CDK13: variants seen among roughly 807,000 people sequenced by gnomAD.
CDK13 encodes cyclin dependent kinase 13, also known as cyclin-dependent kinase 13.
Under a neutral mutation model 137.6 loss-of-function variants are expected in CDK13, and 40 were observed. The ratio of observed to expected loss-of-function variants is 0.29; its 90% CI spans 0.23 to 0.38. CDK13 has a LOEUF of 0.38. CDK13 is among the 10% of genes least tolerant of loss of function. The pLI is 1.00. For synonymous variants in CDK13, 869 were observed against 760.1 expected (o/e 1.14, Z -2.36); for missense variants, 1,704 against 1,951.8 (o/e 0.87, Z 2.39).
intron 5 of CDK13, among the ~76,000 whole-genome samples, chr7:40,003,091 A>C (rs893027610): frequency 2.6e-5 from 4 of 151,632 alleles, no homozygotes; most frequent in African/African-American, 9.7e-5. Context: ...AAACGAAAAG[A>C]AAAAGATTAA....
At chr7:40,063,268 T>C (rs1786195591) in intron 9 of CDK13, among the ~76,000 whole-genome samples, 168 bp downstream of exon 9, 2 of 152,140 alleles carry the variant, frequency 1.3e-5, no homozygotes. Context: ...TTGATACTTG[T>C]TCCAGTGAAA....
At chr7:39,970,058 G>A (rs575515878) in intron 1 of CDK13, among the ~76,000 whole-genome samples, 154 of 145,770 alleles carry the variant, frequency 1.1e-3, no homozygotes, top group Middle Eastern at 3.7e-3. Context: ...TCACTCTGTC[G>A]CCCAGGCATG....
Position 40,022,708 on chromosome 7 carries a change from A to G in CDK13, c.2353+20677A>G, listed in dbSNP as rs370049733. 3.6e-4 allele frequency among the ~76,000 whole-genome samples: 54 copies of G among 151,528 alleles called. No individual in the cohort carries two copies. The South Asian group carries it at 0.011, about 31-fold the overall frequency. ...AACCAGGGTCAAAGCAGAGTAGAGG[A>G]ATGTCCTGATCTACCTCCATCGATA... On this transcript the variant is annotated intron_variant, in intron 5 of 13. Transcript: ENST00000181839.
intron 7 of CDK13, chr7:40,061,137 C>G (rs1171273660): frequency 6.6e-6 from 1 of 151,300 alleles, no homozygotes; most frequent in Non-Finnish European, 1.5e-5. Context: ...TTACTAAGTT[C>G]AGTTTAACTA....
At chr7:40,050,477 C>T (rs887538454) in intron 7 of CDK13, among the ~76,000 whole-genome samples, 47 of 152,182 alleles carry the variant, frequency 3.1e-4, no homozygotes, top group Admixed American at 2.4e-3. Context: ...CTGCAACCTC[C>T]GCCTCCCGGG....
At chr7:40,016,248 T>A (rs1375591406) in intron 5 of CDK13, among the ~76,000 whole-genome samples, 1 of 152,188 alleles carries the variant, frequency 6.6e-6, no homozygotes, top group Admixed American at 6.5e-5. Flanking sequence ...TGGGGGATTG[T>A]TTTACTTTTG....
At chr7:40,081,804 G>C (rs1437172714) in intron 11 of CDK13, among the ~76,000 whole-genome samples, 1 of 152,122 alleles carries the variant, frequency 6.6e-6, no homozygotes, top group African/African-American at 2.4e-5. Context: ...TAGAGACAGG[G>C]TTTCTCCATG....
rs563011349 is a variant in CDK13 at position 39,980,113 on chromosome 7, G to T, written c.1212-7486G>T. Among the ~76,000 whole-genome samples the T allele has an allele frequency of 2.6e-5, 4 of 152,292 alleles. No individual in the cohort carries two copies. In the East Asian group the frequency reaches 5.8e-4, roughly 22 times the overall value. ...TTGTGGAGTTTTCTGTTACAACAAC[G>T]ATCAGACACATTCAGAGGGTATGGA... On this transcript the variant is annotated intron_variant, in intron 1 of 13. Transcript: ENST00000181839.
chr7:40,078,190 G>A (rs569158896), intron 10 of CDK13, 69 bp downstream of exon 10: 3 of 779,860 alleles, frequency 3.8e-6, no homozygotes, highest in Admixed American at 2.6e-5. Flanking sequence ...AATTATAAAT[G>A]TTAGTCTATT....
intron 13 of CDK13, 86 bp downstream of exon 13, chr7:40,093,323 A>T: frequency 9.0e-7 from 1 of 1,106,208 alleles, no homozygotes; most frequent in Non-Finnish European, 1.3e-6. Flanking sequence ...TGTATAGTTC[A>T]GTGACATTGC....
chr7:39,966,700 A>G (rs1317683034), intron 1 of CDK13, among the ~76,000 whole-genome samples: 1 of 151,406 alleles, frequency 6.6e-6, no homozygotes, highest in Non-Finnish European at 1.5e-5. Context: ...TGATTTTTAG[A>G]TTTTTCAGTT....
Position 40,092,960 on chromosome 7 carries a change from A to C in CDK13, c.3411A>C (p.Ala1137=). The C allele has an allele frequency of 1.9e-6, 3 of 1,614,186 alleles. No homozygotes were observed. Among genetic ancestry groups the C allele is most frequent in the Non-Finnish European group, 2.5e-6 (3 of 1,180,034 alleles). The change falls in exon 13 of 14, where the codon GCA becomes GCC. Residue 1137 remains alanine (A), a synonymous_variant. Transcript: ENST00000181839. The part of the protein sequence containing the change: ...NKINLPAGIL[A]TGEKQTDPST... ...TAAACCTTCCTGCTGGAATTTTGGCAACAGGTGAAAAACAGACAGATCCAT... is the reference window on the plus strand; with the variant it reads ...TAAACCTTCCTGCTGGAATTTTGGCCACAGGTGAAAAACAGACAGATCCAT...
intron 4 of CDK13, 28 bp downstream of exon 4, chr7:39,999,528 T>C (rs1488370326): frequency 7.0e-6 from 11 of 1,577,456 alleles, no homozygotes; most frequent in Non-Finnish European, 9.5e-6. Flanking sequence ...TGGGGATCTT[T>C]GGGCCTACGG....
rs531694638 is a variant in CDK13, at chr7:40,076,056, T to TA, written c.2781-1948dup. 1.8e-3 allele frequency among the ~76,000 whole-genome samples: 278 copies of TA among 152,266 alleles called. 12 individuals carry two copies. In the South Asian group the frequency reaches 0.054, roughly 30 times the overall value. ...TCTATGGTTTACTTATCCTTGGAATTATAACCAAAATTCTTCACTCTTTCC... is the reference window on the plus strand; with the variant it reads ...TCTATGGTTTACTTATCCTTGGAATTAATAACCAAAATTCTTCACTCTTTCC... On this transcript the variant is annotated intron_variant, in intron 9 of 13. Coordinates refer to ENST00000181839, the MANE Select transcript of CDK13 (RefSeq NM_003718.5).
intron 5 of CDK13, among the ~76,000 whole-genome samples, chr7:40,003,194 A>ACTCTCT (rs1368242412): frequency 4.9e-5 from 5 of 101,184 alleles, no homozygotes; most frequent in African/African-American, 1.9e-4. Context: ...ACACACACAC[A>ACTCTCT]CACACACACA....
intron 7 of CDK13, among the ~76,000 whole-genome samples, chr7:40,049,863 C>A (rs1584038862): frequency 6.6e-6 from 1 of 152,180 alleles, no homozygotes; most frequent in African/African-American, 2.4e-5. Context: ...CCTTATTCCA[C>A]TTAACACAAT....
intron 1 of CDK13, among the ~76,000 whole-genome samples, chr7:39,974,487 T>C (rs1054839948): frequency 6.6e-6 from 1 of 152,182 alleles, no homozygotes; most frequent in Non-Finnish European, 1.5e-5. Flanking sequence ...GTATAAGCCT[T>C]GCACTTTTTA....
At chr7:40,083,103 C>CA (rs34744742) in intron 11 of CDK13, among the ~76,000 whole-genome samples, 2,042 of 100,252 alleles carry the variant, frequency 0.02, 31 homozygotes, top group African/African-American at 0.053. Context: ...ACTCTGTCTC[C>CA]AAAAAAAAAA....
At chr7:40,083,974 A>G (rs1731514104) in intron 11 of CDK13, among the ~76,000 whole-genome samples, 1 of 152,210 alleles carries the variant, frequency 6.6e-6, no homozygotes, top group Non-Finnish European at 1.5e-5. Flanking sequence ...TCCTTTAGAA[A>G]GTTGGAAGGT....
Sources: gnomAD v4.1 joint callset for allele counts (sites outside exome capture counted in the v4.1 genomes callset) on GRCh38, gnomAD v4.1.1 for gene constraint, MANE v1.5 for transcripts, NCBI Gene and HGNC (gene_info 2026-07-23, HGNC 2026-07-21) for gene names.